SPAG16: variants seen among roughly 807,000 people sequenced by gnomAD.
SPAG16 encodes the protein sperm-associated antigen 16 protein.
A neutral mutation model predicts 80.4 loss-of-function variants in SPAG16; 86 were observed. That is an observed-to-expected ratio of 1.07 (90% confidence interval 0.90 to 1.28). The LOEUF (loss-of-function observed/expected upper bound fraction) is 1.28, where lower values mean the gene tolerates loss of function less well. Ranked by LOEUF, SPAG16 falls within the 50% of genes most tolerant of loss-of-function variation. SPAG16 has a pLI of 0.00. For missense variants in SPAG16, 870 were observed against 765.3 expected, an observed-to-expected ratio of 1.14 and a Z score of -1.61; for synonymous variants, 294 against 265.9, an observed-to-expected ratio of 1.11 and a Z score of -1.03.
chr2:213,322,041 T>A (rs183017745), intron 5 of SPAG16, among the ~76,000 whole-genome samples: 97 of 151,652 alleles, frequency 6.4e-4, no homozygotes, highest in African/African-American at 2.3e-3. Context: ...ACTTGCACTT[T>A]GTGCACATGT....
At chr2:214,238,071 C>A in intron 15 of SPAG16, 1 of 295,998 alleles carries the variant, frequency 3.4e-6, no homozygotes. Flanking sequence ...CTGTCATTAG[C>A]ATCAAGAATA....
In SPAG16 at chr2:213,919,106, T is replaced by G. The variant is rs915230494; in HGVS notation, c.1215-10854T>G. Among the ~76,000 whole-genome samples the G allele has an allele frequency of 2.0e-5, 3 of 152,324 alleles. 1 individual carries two copies. In the South Asian group the frequency reaches 6.2e-4, roughly 32 times the overall value. On this transcript the variant is annotated intron_variant, in intron 11 of 15. Coordinates refer to ENST00000331683, the MANE Select transcript of SPAG16 (RefSeq NM_024532.5). ...AATAACCATTGATTATTTGGATTAA[T>G]TAATCTTTTGAGTGATTTTTCATAT...
intron 10 of SPAG16, among the ~76,000 whole-genome samples, chr2:213,805,464 G>T (rs972927673): frequency 1.3e-5 from 2 of 152,162 alleles, no homozygotes; most frequent in Non-Finnish European, 2.9e-5. Context: ...TTATTTGACA[G>T]GGCTTCAGAG....
chr2:213,822,035 T>C (rs2072975797), intron 10 of SPAG16, among the ~76,000 whole-genome samples: 1 of 152,220 alleles, frequency 6.6e-6, no homozygotes, highest in African/African-American at 2.4e-5. Context: ...TTTTTCCATA[T>C]ACTGCTTTCC....
At chr2:214,265,583 T>C (rs1415263319) in intron 15 of SPAG16, among the ~76,000 whole-genome samples, 1 of 152,096 alleles carries the variant, frequency 6.6e-6, no homozygotes, top group African/African-American at 2.4e-5. Context: ...ACATGTCATT[T>C]GCAGAGCAGG....
intron 9 of SPAG16, among the ~76,000 whole-genome samples, chr2:213,390,506 A>G (rs2067686380): frequency 6.6e-6 from 1 of 152,226 alleles, no homozygotes; most frequent in East Asian, 1.9e-4. Flanking sequence ...TATGTACAAC[A>G]AATATGTTAA....
chr2:213,373,373 AT>A (rs376411547), intron 8 of SPAG16, among the ~76,000 whole-genome samples: 3 of 150,978 alleles, frequency 2.0e-5, no homozygotes, highest in East Asian at 1.9e-4. Flanking sequence ...CTTGAAAAAC[AT>A]TTTTTTTTCT....
At chr2:213,515,812 G>C (rs1170395031) in intron 10 of SPAG16, among the ~76,000 whole-genome samples, 1 of 152,244 alleles carries the variant, frequency 6.6e-6, no homozygotes, top group Admixed American at 6.5e-5. Flanking sequence ...AGGAATGCAA[G>C]AGATCTGTTC....
At chr2:213,951,361 A>T (rs183705251) in intron 12 of SPAG16, among the ~76,000 whole-genome samples, 1 of 152,318 alleles carries the variant, frequency 6.6e-6, no homozygotes, top group African/African-American at 2.4e-5. Flanking sequence ...AATTCATCTA[A>T]GAATAGCAAA....
intron 15 of SPAG16, among the ~76,000 whole-genome samples, chr2:214,372,558 G>A (rs1383286423): frequency 6.6e-6 from 1 of 152,092 alleles, no homozygotes; most frequent in Admixed American, 6.6e-5. Flanking sequence ...ATTTTTTGTT[G>A]AGAATACAAA....
At chr2:213,302,622 G>GTT (rs1553619994) in intron 3 of SPAG16, 1 of 64,874 alleles carries the variant, frequency 1.5e-5, no homozygotes, top group Non-Finnish European at 3.2e-5. Context: ...GCTTGGAAGG[G>GTT]GTGTGTGTGT....
rs184227309 is a variant in SPAG16 at position 214,302,590 on chromosome 2, C to G, written c.1721-107550C>G. ...CTGCCTCCTGGGTTCAAGCGATTCT[C>G]CTGCCTCAGCCTCCTGAGTAGCTGG... On this transcript the variant is annotated intron_variant, in intron 15 of 15. Coordinates refer to ENST00000331683, the MANE Select transcript of SPAG16 (RefSeq NM_024532.5). Among the ~76,000 whole-genome samples, 407 of 152,282 alleles carry G rather than the reference C, an allele frequency of 2.7e-3. 4 individuals are homozygous for G. The highest frequency in any genetic ancestry group is 9.4e-3 in the African/African-American group (390 of 41,558).
rs1210226494 is a variant in SPAG16, at chr2:213,441,517, T to TA, written c.943-48445dup. On this transcript the variant is annotated intron_variant, in intron 9 of 15. Coordinates refer to ENST00000331683, the MANE Select transcript of SPAG16 (RefSeq NM_024532.5). ...ACAAAATGGAATCAGGAGTTGGACTTACAAAGTATCAGTAATGTTCTATTT... is the reference window on the plus strand; with the variant it reads ...ACAAAATGGAATCAGGAGTTGGACTTAACAAAGTATCAGTAATGTTCTATTT... 5.3e-5 allele frequency among the ~76,000 whole-genome samples: 8 copies of TA among 152,206 alleles called. 1 individual carries two copies. Among genetic ancestry groups the TA allele is most frequent in the African/African-American group, 1.9e-4 (8 of 41,448 alleles).
intron 10 of SPAG16, among the ~76,000 whole-genome samples, chr2:213,595,475 A>T (rs2060854570): frequency 6.6e-6 from 1 of 152,140 alleles, no homozygotes; most frequent in African/African-American, 2.4e-5. Flanking sequence ...CATATATCAA[A>T]CGACATATTC....
At chr2:214,169,814 G>T (rs763288884) in intron 15 of SPAG16, among the ~76,000 whole-genome samples, 2 of 151,956 alleles carry the variant, frequency 1.3e-5, no homozygotes, top group Non-Finnish European at 2.9e-5. Context: ...TTGCTATTAA[G>T]CCAGTGAACT....
intron 13 of SPAG16, among the ~76,000 whole-genome samples, chr2:214,073,154 A>C (rs2125232331): frequency 6.6e-6 from 1 of 152,294 alleles, no homozygotes; most frequent in South Asian, 2.1e-4. Flanking sequence ...TAAAAAATCA[A>C]CTACCTACCA....
intron 13 of SPAG16, among the ~76,000 whole-genome samples, chr2:214,104,001 C>A (rs1188269546): frequency 6.6e-6 from 1 of 151,764 alleles, no homozygotes; most frequent in Admixed American, 6.6e-5. Flanking sequence ...ATTAAAGAAA[C>A]CTTTGCTCTG....
Position 213,390,492 on chromosome 2 carries a change from G to T in SPAG16, c.942+15373G>T, listed in dbSNP as rs760037335. 4.8e-4 allele frequency among the ~76,000 whole-genome samples: 73 copies of T among 152,086 alleles called. 1 individual carries two copies. The highest frequency in any genetic ancestry group is 5.9e-5 in the Non-Finnish European group (4 of 67,984). ...ATGTTAGGAAGGATACATAAACATT[G>T]CAGTATGTACAACAAATATGTTAAA... On this transcript the variant is annotated intron_variant, in intron 9 of 15. Transcript: ENST00000331683.
chr2:213,401,408 A>C (rs531178118), intron 9 of SPAG16, among the ~76,000 whole-genome samples: 3 of 152,324 alleles, frequency 2.0e-5, no homozygotes, highest in Admixed American at 2.0e-4. Context: ...TCTATGAGGC[A>C]ATTCTTATAC....
Sources: gnomAD v4.1 joint callset for allele counts (sites outside exome capture counted in the v4.1 genomes callset) on GRCh38, gnomAD v4.1.1 for gene constraint, MANE v1.5 for transcripts, NCBI Gene and HGNC (gene_info 2026-07-23, HGNC 2026-07-21) for gene names.